EHMT1: variants seen among roughly 807,000 people sequenced by gnomAD.
EHMT1 encodes euchromatic histone lysine methyltransferase 1.
In EHMT1, 15 loss-of-function variants were observed where a neutral mutation model predicts 147.2. That is an observed-to-expected ratio of 0.10 (90% confidence interval 0.07 to 0.16). The LOEUF (loss-of-function observed/expected upper bound fraction) is 0.16. Among genes scored for constraint, EHMT1 ranks in the 10% least tolerant of loss-of-function variants. EHMT1 has a pLI of 1.00. For missense variants in EHMT1, 1,587 were observed against 1,772.4 expected, an observed-to-expected ratio of 0.90 and a Z score of 1.88; for synonymous variants, 795 against 709.6, an observed-to-expected ratio of 1.12 and a Z score of -1.91.
At chr9:137,668,735 T>C (rs1589177279) in intron 1 of EHMT1, among the ~76,000 whole-genome samples, 1 of 50,286 alleles carries the variant, frequency 2.0e-5, no homozygotes, top group South Asian at 7.5e-4. Flanking sequence ...AGTGTTTTCT[T>C]TTTTTTTTTT....
At chr9:137,801,649 C>T (rs1451737109) in intron 18 of EHMT1, among the ~76,000 whole-genome samples, 5 of 152,286 alleles carry the variant, frequency 3.3e-5, no homozygotes, top group Non-Finnish European at 7.3e-5. Context: ...TAGGCGCCCA[C>T]GACCACACCT....
intron 1 of EHMT1, among the ~76,000 whole-genome samples, chr9:137,629,145 T>G (rs1298516299): frequency 6.6e-6 from 1 of 150,750 alleles, no homozygotes; most frequent in African/African-American, 2.4e-5. Flanking sequence ...CAGGCTGGAG[T>G]GCAGTGGTGC....
chr9:137,822,353 T>C (rs1046671248), intron 25 of EHMT1, among the ~76,000 whole-genome samples: 1 of 152,208 alleles, frequency 6.6e-6, no homozygotes, highest in Non-Finnish European at 1.5e-5. Context: ...AGACTTGTTT[T>C]TAATGGACAT....
intron 17 of EHMT1, among the ~76,000 whole-genome samples, chr9:137,799,930 G>A (rs939064919): frequency 1.3e-5 from 2 of 152,250 alleles, no homozygotes; most frequent in African/African-American, 2.4e-5. Context: ...CAGGGGGGCT[G>A]GGCTCCAGGA....
At chr9:137,647,520 C>G (rs1178166773) in intron 1 of EHMT1, among the ~76,000 whole-genome samples, 2 of 151,884 alleles carry the variant, frequency 1.3e-5, no homozygotes, top group African/African-American at 4.8e-5. Context: ...GCTCTCTGCT[C>G]AGGGGCAGCA....
At chr9:137,653,239 T>G (rs1212293515) in intron 1 of EHMT1, among the ~76,000 whole-genome samples, 2 of 152,208 alleles carry the variant, frequency 1.3e-5, no homozygotes, top group Non-Finnish European at 2.9e-5. Context: ...TGCTTAGATA[T>G]ATTTATATAT....
chr9:137,745,779 C>T, intron 6 of EHMT1: 1 of 374,912 alleles, frequency 2.7e-6, no homozygotes, highest in Non-Finnish European at 4.7e-6. Flanking sequence ...GTGCTGTCTG[C>T]ATTTACAGTG....
chr9:137,784,062 T>C (rs1951769426), intron 15 of EHMT1: 1 of 961,404 alleles, frequency 1.0e-6, no homozygotes. Context: ...AGAGAATACT[T>C]GAGACCGGGT....
chr9:137,780,263 T>C (rs1277902992), intron 14 of EHMT1, among the ~76,000 whole-genome samples: 3 of 142,484 alleles, frequency 2.1e-5, no homozygotes, highest in East Asian at 2.2e-4. Flanking sequence ...GACGCTGGGA[T>C]GTGTGGTGAT....
intron 3 of EHMT1, among the ~76,000 whole-genome samples, chr9:137,724,619 T>C (rs1946408634): frequency 6.6e-6 from 1 of 152,252 alleles, no homozygotes; most frequent in African/African-American, 2.4e-5. Context: ...TGTACCTTCA[T>C]CAATATGTAC....
intron 1 of EHMT1, among the ~76,000 whole-genome samples, chr9:137,650,022 G>C (rs1477013589): frequency 6.6e-6 from 1 of 152,096 alleles, no homozygotes; most frequent in African/African-American, 2.4e-5. Context: ...TTTTTATGGT[G>C]GCTGTGCCAT....
chr9:137,822,800 G>C (rs889856675), intron 25 of EHMT1, among the ~76,000 whole-genome samples: 1 of 151,882 alleles, frequency 6.6e-6, no homozygotes, highest in Non-Finnish European at 1.5e-5. Flanking sequence ...GGCTGAGGCA[G>C]GAGACTTGCT....
chr9:137,624,116 C>T (rs1843109345), intron 1 of EHMT1, among the ~76,000 whole-genome samples: 1 of 151,290 alleles, frequency 6.6e-6, no homozygotes, highest in Non-Finnish European at 1.5e-5. Flanking sequence ...TCTCCTGGCT[C>T]AGCCTCCTGA....
chr9:137,691,151 AGACTTG>A (rs1304157212), intron 1 of EHMT1, among the ~76,000 whole-genome samples: 1 of 151,834 alleles, frequency 6.6e-6, no homozygotes, highest in Non-Finnish European at 1.5e-5. Context: ...CCTGTCTCTA[AGACTTG>A]GACTATCTAG....
intron 8 of EHMT1, 61 bp from the exon 9 acceptor site, chr9:137,757,819 G>A (rs1047699832): frequency 6.2e-6 from 10 of 1,609,476 alleles, no homozygotes; most frequent in Middle Eastern, 1.9e-4. Flanking sequence ...TGCCCTGTGC[G>A]TCTGGGTGGG....
intron 15 of EHMT1, chr9:137,788,150 T>C: frequency 1.0e-6 from 1 of 982,024 alleles, no homozygotes; most frequent in African/African-American, 1.6e-5. Flanking sequence ...GGGTGGTCAC[T>C]GCCTTCTCCC....
chr9:137,694,047 A>T (rs1382419645), intron 1 of EHMT1, among the ~76,000 whole-genome samples: 1 of 82,098 alleles, frequency 1.2e-5, no homozygotes, highest in Non-Finnish European at 2.3e-5. Context: ...GCTGGCCGAT[A>T]CCCCCCACAC....
At chr9:137,738,864 A>G (rs1947797115) in intron 4 of EHMT1, 1 of 152,220 alleles carries the variant, frequency 6.6e-6, no homozygotes, top group African/African-American at 2.4e-5. Context: ...ACACAGAAAG[A>G]GTAGAAGGGG....
At chr9:137,724,204 T>C (rs766230165) in intron 3 of EHMT1, among the ~76,000 whole-genome samples, 3 of 152,206 alleles carry the variant, frequency 2.0e-5, no homozygotes, top group Admixed American at 6.5e-5. Context: ...AGGTGGTTCT[T>C]AGCAATTGTG....
Sources: gnomAD v4.1 joint callset for allele counts (sites outside exome capture counted in the v4.1 genomes callset) on GRCh38, gnomAD v4.1.1 for gene constraint, MANE v1.5 for transcripts, NCBI Gene and HGNC (gene_info 2026-07-23, HGNC 2026-07-21) for gene names.